CNTN6: variants seen among roughly 807,000 people sequenced by gnomAD.
CNTN6 encodes the protein contactin-6.
CNTN6 carries 137 observed loss-of-function variants against 122.8 expected under a neutral mutation model. That is an observed-to-expected ratio of 1.12 (90% CI 0.97 to 1.29). The LOEUF is 1.29. Ranked by LOEUF, CNTN6 falls within the 50% of genes most tolerant of loss-of-function variation. The pLI, the probability that CNTN6 is intolerant of heterozygous loss-of-function variation, is 0.00. For missense variants in CNTN6, 1,634 were observed against 1,223.4 expected (o/e 1.34, Z -5.01); for synonymous variants, 570 against 426.0 (o/e 1.34, Z -4.16).
In CNTN6 at chr3:1,300,493, A is replaced by AAGGG. The variant is rs1233689441; in HGVS notation, c.761+2503_761+2504insGGGA. ...GAAGGAAGGAAGGAAGGAAGGAAGG[A>AAGGG]AAAAGAAAAGAAAGAGAAAGAAAGA... On this transcript the variant is annotated intron_variant, in intron 7 of 22. Coordinates refer to ENST00000446702, the MANE Select transcript of CNTN6 (RefSeq NM_001289080.2). Among the ~76,000 whole-genome samples, 124 of 119,546 alleles carry AAGGG rather than the reference A, an allele frequency of 1.0e-3. 1 individual carries two copies. The highest frequency in any genetic ancestry group is 6.6e-3 in the African/African-American group (102 of 15,498). 78.4% of individuals were successfully genotyped at this position (119,546 alleles called of 152,430 possible).
chr3:1,298,664 G>C (rs75126768), intron 7 of CNTN6, among the ~76,000 whole-genome samples: 4,962 of 152,152 alleles, frequency 0.033, 267 homozygotes, highest in African/African-American at 0.11. Flanking sequence ...CAGAAAAAAA[G>C]AAGGAGACAG....
intron 12 of CNTN6, among the ~76,000 whole-genome samples, chr3:1,370,515 A>G (rs1708861070): frequency 6.6e-6 from 1 of 152,118 alleles, no homozygotes; most frequent in African/African-American, 2.4e-5. Context: ...AGTCCACAAA[A>G]TCATTCTTTA....
chr3:1,364,423 G>A (rs200113741), intron 12 of CNTN6, among the ~76,000 whole-genome samples: 1 of 151,834 alleles, frequency 6.6e-6, no homozygotes, highest in South Asian at 2.1e-4. Flanking sequence ...TCTATCCTTT[G>A]AGAGGAGTTT....
At chr3:1,184,813 A>G (rs1386379823) in intron 2 of CNTN6, among the ~76,000 whole-genome samples, 2 of 152,152 alleles carry the variant, frequency 1.3e-5, no homozygotes, top group African/African-American at 4.8e-5. Flanking sequence ...GAATGGGCAA[A>G]TCTTATGAAA....
At chr3:1,270,633 A>G (rs1380098260) in intron 4 of CNTN6, among the ~76,000 whole-genome samples, 2 of 152,228 alleles carry the variant, frequency 1.3e-5, no homozygotes, top group South Asian at 2.1e-4. Flanking sequence ...ACCAGCTTTC[A>G]GTGCTAAAAC....
At chr3:1,252,993 G>T (rs1240179950) in intron 4 of CNTN6, among the ~76,000 whole-genome samples, 1 of 152,180 alleles carries the variant, frequency 6.6e-6, no homozygotes, top group African/African-American at 2.4e-5. Flanking sequence ...CTTAATTTCT[G>T]CATTTTCTTC....
intron 11 of CNTN6, among the ~76,000 whole-genome samples, chr3:1,330,669 G>C (rs1231738362): frequency 1.3e-5 from 2 of 151,818 alleles, no homozygotes; most frequent in Non-Finnish European, 2.9e-5. Context: ...TTGTGCTGAA[G>C]ATATGAAAAT....
At chr3:1,157,365 G>C (rs2092998355) in intron 2 of CNTN6, among the ~76,000 whole-genome samples, 1 of 151,984 alleles carries the variant, frequency 6.6e-6, no homozygotes, top group Admixed American at 6.6e-5. Context: ...TTACAGGCAT[G>C]TGCCACCACA....
intron 2 of CNTN6, among the ~76,000 whole-genome samples, chr3:1,180,126 A>G (rs1006849557): frequency 2.0e-5 from 3 of 152,184 alleles, no homozygotes; most frequent in African/African-American, 7.2e-5. Context: ...ATCCCAAGCA[A>G]AAGTTGGAGG....
chr3:1,332,521 A>AGGAAGGAG (rs1028117502), intron 11 of CNTN6, among the ~76,000 whole-genome samples: 2 of 149,874 alleles, frequency 1.3e-5, no homozygotes, highest in African/African-American at 4.9e-5. Context: ...GAAGGAAGGA[A>AGGAAGGAG]GGAAGGAAGG....
At position 1,102,695 on chromosome 3, in the gene CNTN6, T is replaced by A. The variant is rs550252966; in HGVS notation, c.-83+9575T>A. ...GTGAGCAGAGATGGCGCCACCGCCC[T>A]CCAGCCTGGGCGACAGGGCGAGACT... On this transcript the variant is annotated intron_variant, in intron 1 of 22. Coordinates refer to ENST00000446702, the MANE Select transcript of CNTN6 (RefSeq NM_001289080.2). Among the ~76,000 whole-genome samples, 3 of 149,670 alleles carry A rather than the reference T, an allele frequency of 2.0e-5. No individual in the cohort carries two copies. The East Asian group carries it at 5.9e-4, about 29-fold the overall frequency.
At chr3:1,098,155 C>A (rs371678786) in intron 1 of CNTN6, among the ~76,000 whole-genome samples, 6,456 of 151,778 alleles carry the variant, frequency 0.043, 198 homozygotes, top group South Asian at 0.073. Context: ...TTAGTGGGTG[C>A]AGTGCACCAG....
intron 2 of CNTN6, among the ~76,000 whole-genome samples, chr3:1,155,021 T>C (rs1172517187): frequency 6.6e-6 from 1 of 152,164 alleles, no homozygotes; most frequent in Non-Finnish European, 1.5e-5. Context: ...CTCTTTCCAT[T>C]ATACCCATCT....
At position 1,295,736 on chromosome 3, in the gene CNTN6, T is replaced by A. The variant is rs1302908594; in HGVS notation, c.590T>A (p.Phe197Tyr). The A allele has an allele frequency of 1.9e-6, 3 of 1,614,048 alleles. No homozygotes were observed. The highest frequency in any genetic ancestry group is 4.5e-5 in the East Asian group (2 of 44,878). Residue 197 changes from phenylalanine to tyrosine, a missense_variant, in exon 6 of 23, where the codon TTT becomes TAT. Transcript: ENST00000446702. ...TCAGATGTGGGCAACTACACTTGCT[T>A]TATAACTAACAAAGAGGCCCAGAGA... is the stretch of plus-strand genomic sequence containing the variant. ...EPSDVGNYTC[F>Y]ITNKEAQRSV... is the part of the protein sequence containing the mutation.
chr3:1,385,369 A>T (rs1159589939), intron 19 of CNTN6, among the ~76,000 whole-genome samples: 1 of 152,206 alleles, frequency 6.6e-6, no homozygotes, highest in Non-Finnish European at 1.5e-5. Context: ...TATTTTGGTA[A>T]TCTAAAAAAT....
At chr3:1,247,869 A>G (rs192554004) in intron 4 of CNTN6, among the ~76,000 whole-genome samples, 29 of 152,274 alleles carry the variant, frequency 1.9e-4, no homozygotes, top group Admixed American at 1.0e-3. Flanking sequence ...AAAATTCCCA[A>G]ACTATGTGCC....
At chr3:1,143,035 CA>C (rs1258630468) in intron 1 of CNTN6, among the ~76,000 whole-genome samples, 40 of 62,096 alleles carry the variant, frequency 6.4e-4, no homozygotes, top group African/African-American at 2.4e-3. Flanking sequence ...CACTTATCAT[CA>C]ACCAACATCT....
chr3:1,270,082 C>T (rs1181133896), intron 4 of CNTN6, among the ~76,000 whole-genome samples: 4 of 152,044 alleles, frequency 2.6e-5, no homozygotes, highest in South Asian at 2.1e-4. Context: ...TAGGTTATGT[C>T]GTGTTGTGTT....
At chr3:1,382,089 C>G (rs960087553) in intron 17 of CNTN6, among the ~76,000 whole-genome samples, 20 of 149,936 alleles carry the variant, frequency 1.3e-4, no homozygotes, top group African/African-American at 4.7e-4. Context: ...CTTTATTAGT[C>G]TGTCAGAATA....
Sources: gnomAD v4.1 joint callset for allele counts (sites outside exome capture counted in the v4.1 genomes callset) on GRCh38, gnomAD v4.1.1 for gene constraint, MANE v1.5 for transcripts, NCBI Gene and HGNC (gene_info 2026-07-23, HGNC 2026-07-21) for gene names.